The following ADCY10 variants were observed in gnomAD, a reference collection of about 807,000 sequenced individuals.
The protein encoded by ADCY10 is adenylate cyclase 10.
ADCY10 carries 156 observed loss-of-function variants against 183.3 expected under a neutral mutation model. That is an observed-to-expected ratio of 0.85 (90% confidence interval 0.75 to 0.97). The LOEUF is 0.97. ADCY10 is among the 50% of genes least tolerant of loss of function. The pLI, the probability that ADCY10 is intolerant of heterozygous loss-of-function variation, is 0.00. For synonymous variants in ADCY10, 645 were observed against 670.0 expected (o/e 0.96, Z 0.58); for missense variants, 1,745 against 1,934.3 (o/e 0.90, Z 1.84).
Position 167,905,217 on chromosome 1 carries a change from T to G in ADCY10, c.-58-19A>C. 6.6e-7 allele frequency: 1 copy of G among 1,504,440 alleles called. No homozygotes were observed. The highest frequency in any genetic ancestry group is 1.1e-5 in the South Asian group (1 of 88,680). 93.2% of individuals were successfully genotyped at this position (1,504,440 alleles called of 1,614,324 possible). A position where few individuals can be genotyped will look rare whatever the true frequency, so the allele number is the denominator to read the frequency against. ...AGGTCTTCTAAAAAGAAAATTGAAA[T>G]AGAGGAAATCTGATATATTCATTTG... On this transcript the variant is annotated intron_variant, in intron 1 of 32. Coordinates refer to ENST00000367851, the MANE Select transcript of ADCY10 (RefSeq NM_018417.6).
chr1:167,875,023 T>A, intron 13 of ADCY10, 108 bp downstream of exon 13: 1 of 952,640 alleles, frequency 1.0e-6, no homozygotes, highest in Non-Finnish European at 1.7e-6. Context: ...ATGATTATAT[T>A]TTCATTTTGT....
chr1:167,816,243 A>C (rs1352315992), intron 31 of ADCY10, among the ~76,000 whole-genome samples: 1 of 152,134 alleles, frequency 6.6e-6, no homozygotes, highest in Admixed American at 6.5e-5. Flanking sequence ...AACTACAGAA[A>C]ATCAAAGATA....
chr1:167,826,259 C>A (rs1168266847), intron 26 of ADCY10, among the ~76,000 whole-genome samples: 1 of 152,154 alleles, frequency 6.6e-6, no homozygotes, highest in African/African-American at 2.4e-5. Context: ...ACGAGAAATC[C>A]AAGGCTGTAA....
intron 11 of ADCY10, among the ~76,000 whole-genome samples, chr1:167,879,070 C>T (rs1437831040): frequency 1.3e-5 from 2 of 152,110 alleles, no homozygotes; most frequent in East Asian, 1.9e-4. Flanking sequence ...CTTCATTTGG[C>T]GATTTCTCGA....
In ADCY10 at chr1:167,838,813, C is replaced by T. The variant is rs980027098; in HGVS notation, c.3008-1495G>A. ...TTAACATGATTCAAACAGAAACTCT[C>T]GAATCTCTCCTCCAGAAACTTATAC... On this transcript the variant is annotated intron_variant, in intron 21 of 32. Coordinates refer to ENST00000367851, the MANE Select transcript of ADCY10 (RefSeq NM_018417.6). 1.2e-4 allele frequency among the ~76,000 whole-genome samples: 18 copies of T among 152,208 alleles called. 1 individual carries two copies. The highest frequency in any genetic ancestry group is 4.4e-5 in the Non-Finnish European group (3 of 68,042).
intron 18 of ADCY10, among the ~76,000 whole-genome samples, chr1:167,852,824 T>G (rs1014981694): frequency 1.3e-5 from 2 of 151,444 alleles, no homozygotes; most frequent in Admixed American, 6.6e-5. Context: ...CAGACAACCA[T>G]CTGTCTCATT....
At chr1:167,815,710 A>T (rs1253543047) in intron 31 of ADCY10, among the ~76,000 whole-genome samples, 1 of 152,250 alleles carries the variant, frequency 6.6e-6, no homozygotes, top group Non-Finnish European at 1.5e-5. Context: ...CATGACAGGG[A>T]TGTTGAAATT....
At chr1:167,853,331 C>T (rs1321720517) in intron 18 of ADCY10, among the ~76,000 whole-genome samples, 4 of 151,990 alleles carry the variant, frequency 2.6e-5, no homozygotes, top group African/African-American at 7.3e-5. Flanking sequence ...AACCCCTAGA[C>T]GTTATGTGTA....
chr1:167,846,241 A>G lies in ADCY10; in HGVS notation c.2460T>C (p.Asp820=), dbSNP rs1665020099. The G allele has an allele frequency of 1.2e-6, 2 of 1,614,054 alleles. No individual in the cohort carries two copies. Among genetic ancestry groups the G allele is most frequent in the Admixed American group, 1.7e-5 (1 of 59,984 alleles). The part of the protein sequence containing the change: ...SLKEISLIQL[D]SMRLSHQMLV... ...GCATTTGGTGGGAAAGTCTCATGCT[A>G]TCCAGCTGGATCAGAGAGATTTCTG... Residue 820 remains aspartate (D), a synonymous_variant, in exon 20 of 33, where the codon GAT becomes GAC. Coordinates refer to ENST00000367851, the MANE Select transcript of ADCY10 (RefSeq NM_018417.6).
chr1:167,887,339 G>A (rs929659738), intron 8 of ADCY10, among the ~76,000 whole-genome samples: 4 of 152,212 alleles, frequency 2.6e-5, no homozygotes, highest in African/African-American at 7.2e-5. Flanking sequence ...AATGTGGCAT[G>A]TATACACAGT....
intron 21 of ADCY10, among the ~76,000 whole-genome samples, chr1:167,843,733 A>G (rs557331279): frequency 3.3e-5 from 5 of 152,118 alleles, no homozygotes; most frequent in Middle Eastern, 3.4e-3. Flanking sequence ...CTTGATCCCA[A>G]TGCAGCCACA....
Position 167,809,899 on chromosome 1 carries a change from G to T in ADCY10, c.4672-60C>A, listed in dbSNP as rs1662098332. ...GTGCTTCTTGACTTTTGTAATCAAG[G>T]TTAGTCCAATATCAAACAAGGCAAA... On this transcript the variant is annotated intron_variant, in intron 32 of 32. Coordinates refer to ENST00000367851, the MANE Select transcript of ADCY10 (RefSeq NM_018417.6). 3.8e-6 allele frequency: 6 copies of T among 1,560,898 alleles called. No homozygotes were observed. In the East Asian group the frequency reaches 1.3e-4, roughly 35 times the overall value.
chr1:167,845,531 A>C, intron 21 of ADCY10, 32 bp downstream of exon 21: 1 of 1,610,292 alleles, frequency 6.2e-7, no homozygotes. Context: ...TCCCAAGAAC[A>C]GTTAGGATAA....
At chr1:167,889,939 A>G (rs203857) in intron 8 of ADCY10, among the ~76,000 whole-genome samples, 83,303 of 151,974 alleles carry the variant, frequency 0.55, 23,407 homozygotes, top group African/African-American at 0.65. Flanking sequence ...TTCTTAGTTA[A>G]CATGGCTGAA....
chr1:167,816,024 T>C (rs1120604), intron 31 of ADCY10, among the ~76,000 whole-genome samples: 10,256 of 150,698 alleles, frequency 0.068, 437 homozygotes, highest in Middle Eastern at 0.16. Context: ...CCAAGGATTG[T>C]GGGATAAGTA....
At chr1:167,875,048 C>T (rs1667354274) in intron 13 of ADCY10, 83 bp downstream of exon 13, 1 of 1,108,922 alleles carries the variant, frequency 9.0e-7, no homozygotes, top group Non-Finnish European at 1.4e-6. Context: ...ATTCATTAAG[C>T]TGCACAGTTA....
In ADCY10 at chr1:167,883,494, G is replaced by C. The variant is rs1309213770; in HGVS notation, c.963C>G (p.Ile321Met). ...GPAIQDAYMH[I>M]TSVLKIFQGQ... ...CTTGGAAGATCTTCAGGACAGAAGT[G>C]ATGTGCATATAGGCATCCTGGATGG... The change falls in exon 9 of 33, where the codon ATC (isoleucine) becomes ATG (methionine). Residue 321 changes from isoleucine to methionine, a missense_variant. Ile to Met is a conservative substitution (Grantham distance 10). Coordinates refer to ENST00000367851, the MANE Select transcript of ADCY10 (RefSeq NM_018417.6). The C allele has an allele frequency of 6.2e-7, 1 of 1,614,126 alleles. No homozygotes were observed. The highest frequency in any genetic ancestry group is 8.5e-7 in the Non-Finnish European group (1 of 1,180,044).
At chr1:167,870,117 T>C in intron 14 of ADCY10, 140 bp downstream of exon 14, 1 of 914,334 alleles carries the variant, frequency 1.1e-6, no homozygotes, top group Non-Finnish European at 1.7e-6. Flanking sequence ...GTTAGTTATC[T>C]ATTTAGCACA....
At chr1:167,894,255 C>T (rs1447772131) in intron 7 of ADCY10, among the ~76,000 whole-genome samples, 3 of 152,070 alleles carry the variant, frequency 2.0e-5, no homozygotes. Context: ...GAGATGGGAA[C>T]AAACAAATGA....
Sources: gnomAD v4.1 joint callset for allele counts (sites outside exome capture counted in the v4.1 genomes callset) on GRCh38, gnomAD v4.1.1 for gene constraint, MANE v1.5 for transcripts, NCBI Gene and HGNC (gene_info 2026-07-23, HGNC 2026-07-21) for gene names.